CSMD1: variants seen among roughly 807,000 people sequenced by gnomAD.
CSMD1 encodes CUB and sushi domain-containing protein 1.
Under a neutral mutation model 417.5 loss-of-function variants are expected in CSMD1, and 213 were observed. The observed-to-expected ratio is 0.51, with a 90% confidence interval of 0.46 to 0.57. CSMD1 has a LOEUF of 0.57. Among genes scored for constraint, CSMD1 ranks in the 20% least tolerant of loss-of-function variants. The pLI is 0.00. For synonymous variants in CSMD1, 2,862 were observed against 1,736.8 expected (o/e 1.65, Z -16.11); for missense variants, 6,923 against 4,529.7 (o/e 1.53, Z -15.17).
At chr8:3,941,807 C>A (rs1810902076) in intron 5 of CSMD1, among the ~76,000 whole-genome samples, 1 of 152,002 alleles carries the variant, frequency 6.6e-6, no homozygotes, top group Non-Finnish European at 1.5e-5. Flanking sequence ...CCCTCATACG[C>A]AAGGAAAAAT....
At chr8:4,330,905 G>T (rs940415742) in intron 3 of CSMD1, among the ~76,000 whole-genome samples, 2 of 152,056 alleles carry the variant, frequency 1.3e-5, no homozygotes, top group African/African-American at 2.4e-5. Flanking sequence ...CATTATGTAT[G>T]CCCAGCACCC....
intron 26 of CSMD1, among the ~76,000 whole-genome samples, chr8:3,248,046 G>T (rs754157939): frequency 6.6e-6 from 1 of 152,078 alleles, no homozygotes; most frequent in Admixed American, 6.6e-5. Flanking sequence ...GAACAACACC[G>T]GCTGTGCAAA....
intron 1 of CSMD1, among the ~76,000 whole-genome samples, chr8:4,988,731 G>C (rs1415040598): frequency 6.6e-6 from 1 of 152,182 alleles, no homozygotes; most frequent in Non-Finnish European, 1.5e-5. Context: ...CTCCCATAAA[G>C]TACAGGTTGA....
chr8:4,546,665 T>A (rs1402448619), intron 2 of CSMD1, among the ~76,000 whole-genome samples: 1 of 152,182 alleles, frequency 6.6e-6, no homozygotes, highest in Non-Finnish European at 1.5e-5. Context: ...ATGGCTTTCC[T>A]GGATCTCCAG....
intron 1 of CSMD1, among the ~76,000 whole-genome samples, chr8:4,782,811 G>T (rs1026618392): frequency 6.6e-6 from 1 of 151,862 alleles, no homozygotes; most frequent in African/African-American, 2.4e-5. Context: ...TTTTCACATG[G>T]TCCACCAATT....
At chr8:4,057,890 T>C (rs1798778954) in intron 3 of CSMD1, among the ~76,000 whole-genome samples, 3 of 152,174 alleles carry the variant, frequency 2.0e-5, no homozygotes, top group Non-Finnish European at 2.9e-5. Context: ...TCCATTGATC[T>C]ATATCTCTGT....
intron 50 of CSMD1, among the ~76,000 whole-genome samples, chr8:3,039,588 A>G (rs1379543633): frequency 1.3e-5 from 2 of 151,944 alleles, no homozygotes; most frequent in African/African-American, 2.4e-5. Flanking sequence ...TTATGACAAT[A>G]AACTTCCACC....
intron 5 of CSMD1, among the ~76,000 whole-genome samples, chr8:3,883,918 A>G (rs1369880882): frequency 6.6e-6 from 1 of 152,154 alleles, no homozygotes; most frequent in East Asian, 1.9e-4. Flanking sequence ...ATATGTTAAA[A>G]TATATGAATA....
intron 1 of CSMD1, among the ~76,000 whole-genome samples, chr8:4,721,527 G>A (rs150367566): frequency 6.6e-6 from 1 of 152,254 alleles, no homozygotes; most frequent in East Asian, 1.9e-4. Context: ...CCTCACATCT[G>A]TTAGTATGGC....
chr8:3,726,736 C>A (rs1318477274), intron 6 of CSMD1, among the ~76,000 whole-genome samples: 1 of 152,264 alleles, frequency 6.6e-6, no homozygotes, highest in Non-Finnish European at 1.5e-5. Context: ...CCAGAGGGAA[C>A]TTGCCAGTCC....
chr8:3,019,332 C>T (rs987593283), intron 51 of CSMD1, among the ~76,000 whole-genome samples: 1 of 152,176 alleles, frequency 6.6e-6, no homozygotes, highest in Non-Finnish European at 1.5e-5. Flanking sequence ...AATTGTCTAT[C>T]TCTCTACCTT....
intron 52 of CSMD1, among the ~76,000 whole-genome samples, chr8:3,016,749 T>C (rs924141476): frequency 1.1e-4 from 16 of 152,200 alleles, no homozygotes; most frequent in African/African-American, 3.9e-4. Context: ...CCTGGGCATT[T>C]TTCTTCTTCC....
Position 3,907,445 on chromosome 8 carries a change from G to C in CSMD1, c.818+90458C>G, listed in dbSNP as rs554274566. 3.9e-5 allele frequency among the ~76,000 whole-genome samples: 6 copies of C among 152,268 alleles called. No homozygotes were observed. The South Asian group carries it at 1.2e-3, about 32-fold the overall frequency. ...TTAGAATTTTTAGAGATAAAGCAAA[G>C]CTGTCGAGGTACACTTTAAGGCAGT... On this transcript the variant is annotated intron_variant, in intron 5 of 69. Transcript: ENST00000635120.
At chr8:3,231,155 C>T (rs558887401) in intron 26 of CSMD1, among the ~76,000 whole-genome samples, 2 of 152,224 alleles carry the variant, frequency 1.3e-5, no homozygotes, top group South Asian at 4.1e-4. Context: ...TTGTTTTCTC[C>T]AGTTTCTATA....
rs1171905304 is a variant in CSMD1, at chr8:2,936,287, G to C, written c.*2298C>G. 2 of 151,332 alleles carry C rather than the reference G, an allele frequency of 1.3e-5. No individual in the cohort carries two copies. Among genetic ancestry groups the C allele is most frequent in the Non-Finnish European group, 2.9e-5 (2 of 67,950 alleles). The allele number at this position is 151,332 out of a possible 1,614,324, so 9.4% of individuals were successfully genotyped here. ...CATCGTTGACCAGGGAGCAGGTCAGGGATATGGGAACAGAGATGTTAATTC... is the reference window on the plus strand; with the variant it reads ...CATCGTTGACCAGGGAGCAGGTCAGCGATATGGGAACAGAGATGTTAATTC... On this transcript the variant is annotated 3_prime_UTR_variant, in exon 70 of 70. Transcript: ENST00000635120.
chr8:4,706,828 G>C (rs562196035), intron 1 of CSMD1, among the ~76,000 whole-genome samples: 1 of 152,208 alleles, frequency 6.6e-6, no homozygotes, highest in African/African-American at 2.4e-5. Flanking sequence ...AAACACAGTT[G>C]ACCCGATTGA....
chr8:3,643,918 T>G (rs1797441678), intron 7 of CSMD1, among the ~76,000 whole-genome samples: 1 of 152,168 alleles, frequency 6.6e-6, no homozygotes, highest in Non-Finnish European at 1.5e-5. Context: ...GAACAAAACC[T>G]AAAGGGATTT....
intron 3 of CSMD1, among the ~76,000 whole-genome samples, chr8:4,051,186 AGAATCTCTGCT>A (rs1798405791): frequency 1.3e-4 from 2 of 15,252 alleles, no homozygotes; most frequent in Non-Finnish European, 4.3e-4. Flanking sequence ...ATCCCTGCTG[AGAATCTCTGCT>A]GAGAGCACAG....
chr8:3,036,843 T>C (rs982871503), intron 50 of CSMD1, among the ~76,000 whole-genome samples: 2 of 152,106 alleles, frequency 1.3e-5, no homozygotes, highest in Admixed American at 1.3e-4. Context: ...TTCAATAGCT[T>C]TTTGGGGTAC....
Sources: allele counts gnomAD v4.1 joint callset (sites outside exome capture counted in the v4.1 genomes callset), GRCh38; gene constraint gnomAD v4.1.1; transcripts MANE v1.5; gene names NCBI Gene and HGNC (gene_info 2026-07-23, HGNC 2026-07-21).